PHIP: variants seen among roughly 807,000 people sequenced by gnomAD.
The protein encoded by PHIP is PHIP subunit of CUL4-Ring ligase complex.
Under a neutral mutation model 236.8 loss-of-function variants are expected in PHIP, and 54 were observed. The ratio of observed to expected loss-of-function variants is 0.23; its 90% CI spans 0.18 to 0.29. PHIP has a LOEUF of 0.29. Ranked by LOEUF, PHIP falls within the 10% of genes least tolerant of loss-of-function variation. PHIP has a pLI of 1.00. For synonymous variants in PHIP, 756 were observed against 718.9 expected (o/e 1.05, Z -0.83); for missense variants, 1,370 against 2,190.8 (o/e 0.63, Z 7.48).
At chr6:79,069,387 T>A (rs1407254332) in intron 4 of PHIP, among the ~76,000 whole-genome samples, 1 of 151,932 alleles carries the variant, frequency 6.6e-6, no homozygotes, top group Non-Finnish European at 1.5e-5. Context: ...TTTTTAACTG[T>A]AATAGCTTCT....
intron 35 of PHIP, among the ~76,000 whole-genome samples, chr6:78,949,184 G>A (rs1258516711): frequency 1.3e-5 from 2 of 152,050 alleles, no homozygotes; most frequent in African/African-American, 4.8e-5. Context: ...GGTTTTCTTA[G>A]GGGTTTTATA....
chr6:79,015,522 G>A (rs1770794680), intron 14 of PHIP, 108 bp downstream of exon 14: 1 of 834,778 alleles, frequency 1.2e-6, no homozygotes, highest in Non-Finnish European at 1.9e-6. Flanking sequence ...CGTTACCCCA[G>A]CAAGCAAGAG....
intron 23 of PHIP, 60 bp downstream of exon 23, chr6:78,982,826 G>T: frequency 1.0e-6 from 1 of 977,454 alleles, no homozygotes; most frequent in Non-Finnish European, 1.5e-6. Context: ...TGTACTTCAA[G>T]ATGTGTGCTT....
At chr6:79,032,465 GT>G (rs1376367213) in intron 7 of PHIP, among the ~76,000 whole-genome samples, 1 of 152,130 alleles carries the variant, frequency 6.6e-6, no homozygotes. Context: ...CACATCCTTT[GT>G]TTTCATTTCA....
chr6:79,047,263 A>C (rs1562206738), intron 6 of PHIP, among the ~76,000 whole-genome samples: 1 of 152,196 alleles, frequency 6.6e-6, no homozygotes, highest in Non-Finnish European at 1.5e-5. Context: ...CTATGCGCAT[A>C]TTCAGCCCTT....
At chr6:78,984,455 A>G (rs1768739484) in intron 22 of PHIP, among the ~76,000 whole-genome samples, 1 of 152,174 alleles carries the variant, frequency 6.6e-6, no homozygotes, top group South Asian at 2.1e-4. Context: ...TGCTGTCAGC[A>G]TAAACATAAT....
At chr6:78,957,073 G>A (rs1159359964) in intron 32 of PHIP, 3 of 151,966 alleles carry the variant, frequency 2.0e-5, no homozygotes, top group African/African-American at 7.2e-5. Flanking sequence ...CTAAAAAAAT[G>A]CCATGGATTT....
intron 4 of PHIP, among the ~76,000 whole-genome samples, chr6:79,074,457 G>A (rs917612679): frequency 8.6e-5 from 13 of 151,726 alleles, no homozygotes; most frequent in African/African-American, 2.4e-4. Context: ...CTTTCCTTTC[G>A]TCCAAAAAAA....
intron 19 of PHIP, among the ~76,000 whole-genome samples, chr6:78,997,117 T>C (rs1769675467): frequency 6.6e-6 from 1 of 152,028 alleles, no homozygotes; most frequent in Admixed American, 6.6e-5. Flanking sequence ...AAGATATAGT[T>C]AAACAGGACA....
intron 10 of PHIP, 61 bp downstream of exon 10, chr6:79,019,027 CT>C: frequency 2.7e-6 from 3 of 1,101,418 alleles, no homozygotes; most frequent in Non-Finnish European, 4.2e-6. Flanking sequence ...ATATTACACA[CT>C]CCACTATAAG....
At chr6:78,983,731 C>G (rs1768689216) in intron 22 of PHIP, among the ~76,000 whole-genome samples, 2 of 152,130 alleles carry the variant, frequency 1.3e-5, no homozygotes, top group Non-Finnish European at 2.9e-5. Context: ...ATTCTACCTA[C>G]CTACACCCTA....
chr6:78,985,474 A>G, intron 21 of PHIP, 46 bp from the exon 22 acceptor site: 1 of 920,422 alleles, frequency 1.1e-6, no homozygotes, highest in Non-Finnish European at 1.8e-6. Context: ...TTTATAAAAT[A>G]ACATTTTATG....
rs191980370 is a variant in PHIP at position 78,951,901 on chromosome 6, T to C, written c.4053+2913A>G. 2.0e-4 allele frequency among the ~76,000 whole-genome samples: 30 copies of C among 152,312 alleles called. No individual in the cohort carries two copies. The East Asian group carries it at 5.6e-3, about 28-fold the overall frequency. Reference sequence around the variant, plus strand: ...ATAGCTACAAATAAATAGCTATAAATAGTTTTGTCTATAAATCTTAGAGTG... The same window carrying C: ...ATAGCTACAAATAAATAGCTATAAACAGTTTTGTCTATAAATCTTAGAGTG... On this transcript the variant is annotated intron_variant, in intron 35 of 39. Coordinates refer to ENST00000275034, the MANE Select transcript of PHIP (RefSeq NM_017934.7).
intron 17 of PHIP, 110 bp downstream of exon 17, chr6:79,001,788 CT>C: frequency 4.4e-6 from 3 of 676,338 alleles, no homozygotes; most frequent in South Asian, 3.6e-5. Context: ...ATAAAACATA[CT>C]TTTACTTCTT....
chr6:79,005,779 T>C (rs1770258345), intron 15 of PHIP, among the ~76,000 whole-genome samples: 1 of 152,002 alleles, frequency 6.6e-6, no homozygotes, highest in African/African-American at 2.4e-5. Flanking sequence ...CATGGTATCC[T>C]TCATGTGTTG....
At chr6:79,075,927 T>A (rs1774137183) in intron 4 of PHIP, among the ~76,000 whole-genome samples, 1 of 152,180 alleles carries the variant, frequency 6.6e-6, no homozygotes, top group Admixed American at 6.5e-5. Flanking sequence ...ACTGAAGACT[T>A]CTATCAAGTA....
intron 17 of PHIP, 36 bp from the exon 18 acceptor site, chr6:78,998,427 A>G: frequency 6.3e-7 from 1 of 1,586,032 alleles, no homozygotes; most frequent in South Asian, 1.1e-5. Flanking sequence ...CGAATATTTT[A>G]GCTACTATTC....
intron 38 of PHIP, 50 bp from the exon 39 acceptor site, chr6:78,945,547 A>T (rs369188165): frequency 8.7e-7 from 1 of 1,155,976 alleles, no homozygotes; most frequent in Admixed American, 1.9e-5. Context: ...GAACCTAAAG[A>T]TAAGAAAAAA....
intron 4 of PHIP, among the ~76,000 whole-genome samples, chr6:79,075,707 T>C (rs1227745842): frequency 1.3e-5 from 2 of 151,912 alleles, no homozygotes; most frequent in Non-Finnish European, 2.9e-5. Context: ...CAGATAACAT[T>C]AAGCTGCTTC....
Sources: allele counts gnomAD v4.1 joint callset (sites outside exome capture counted in the v4.1 genomes callset), GRCh38; gene constraint gnomAD v4.1.1; transcripts MANE v1.5; gene names NCBI Gene and HGNC (gene_info 2026-07-23, HGNC 2026-07-21).